PIK3R5: variants seen among roughly 807,000 people sequenced by gnomAD.
The protein encoded by PIK3R5 is phosphoinositide 3-kinase regulatory subunit 5.
A neutral mutation model predicts 94.9 loss-of-function variants in PIK3R5; 32 were observed. The ratio of observed to expected loss-of-function variants is 0.34; its 90% CI spans 0.25 to 0.45. The LOEUF is 0.45. Among genes scored for constraint, PIK3R5 ranks in the 20% least tolerant of loss-of-function variants. The probability of loss-of-function intolerance (pLI) is 1.00; values close to 1 mark genes in which losing one functional copy is unlikely to be tolerated. For synonymous variants in PIK3R5, 443 were observed against 479.4 expected, an observed-to-expected ratio of 0.92 and a Z score of 0.99; for missense variants, 853 against 1,144.6, an observed-to-expected ratio of 0.75 and a Z score of 3.68.
Position 8,892,867 on chromosome 17 carries a change from A to G in PIK3R5, c.482+719T>C, listed in dbSNP as rs1191901479. The stretch of plus-strand genomic sequence containing the variant: ...AACATGTCAAGGTGAGACAGCACCC[A>G]ACTCTTCAAGGCCTGCAGAGGGTCC... On this transcript the variant is annotated intron_variant, in intron 6 of 18. Transcript: ENST00000447110. The surrounding 1 kb of genome is among the most constrained non-coding windows in gnomAD (Gnocchi z 4.3). Among the ~76,000 whole-genome samples the G allele has an allele frequency of 6.6e-6, 1 of 152,168 alleles. No individual in the cohort carries two copies. Among genetic ancestry groups the G allele is most frequent in the Admixed American group, 6.5e-5 (1 of 15,284 alleles).
At chr17:8,961,156 C>T (rs1324952386) in intron 1 of PIK3R5, among the ~76,000 whole-genome samples, 3 of 152,158 alleles carry the variant, frequency 2.0e-5, no homozygotes, top group African/African-American at 7.2e-5. Context: ...CTAGGAGGAA[C>T]TGGCAGTTCA....
intron 2 of PIK3R5, among the ~76,000 whole-genome samples, chr17:8,910,195 T>C (rs2090493180): frequency 6.6e-6 from 1 of 152,172 alleles, no homozygotes; most frequent in Non-Finnish European, 1.5e-5. Context: ...TGGAAATGGA[T>C]TGAACTTGAA....
chr17:8,883,684 G>A (rs117980226), intron 15 of PIK3R5, among the ~76,000 whole-genome samples: 202 of 152,312 alleles, frequency 1.3e-3, no homozygotes, highest in Non-Finnish European at 2.2e-3. Flanking sequence ...GACTGGGTTC[G>A]GTTTGCCACT....
chr17:8,887,085 G>T lies in PIK3R5; in HGVS notation c.1905+11C>A. On this transcript the variant is annotated intron_variant, in intron 12 of 18. Coordinates refer to ENST00000447110, the MANE Select transcript of PIK3R5 (RefSeq NM_001142633.3). ...CAGTGGACCCTGTTCCGCAACCACGGGGCCACTTACCTGGCACAGGACTTC... is the reference window on the plus strand; with the variant it reads ...CAGTGGACCCTGTTCCGCAACCACGTGGCCACTTACCTGGCACAGGACTTC... The T allele has an allele frequency of 6.2e-7, 1 of 1,613,842 alleles. No homozygotes were observed. The highest frequency in any genetic ancestry group is 8.5e-7 in the Non-Finnish European group (1 of 1,179,928).
chr17:8,951,251 TTG>T (rs1195369893), intron 1 of PIK3R5, among the ~76,000 whole-genome samples: 6 of 152,208 alleles, frequency 3.9e-5, no homozygotes, highest in African/African-American at 1.4e-4. Context: ...ATTCTGTAGG[TTG>T]TGTGTGTACA....
At chr17:8,947,007 T>G (rs2091285049) in intron 1 of PIK3R5, among the ~76,000 whole-genome samples, 3 of 152,152 alleles carry the variant, frequency 2.0e-5, no homozygotes, top group African/African-American at 7.2e-5. Context: ...TCCATGAGGG[T>G]CCAGCTGAGT....
rs1347935986 is a variant in PIK3R5, at chr17:8,886,296, C to T, written c.2061G>A (p.Thr687=). 1.2e-6 allele frequency: 2 copies of T among 1,613,684 alleles called. No individual in the cohort carries two copies. Among genetic ancestry groups the T allele is most frequent in the Non-Finnish European group, 1.7e-6 (2 of 1,179,934 alleles). Residue 687 remains threonine, a synonymous_variant, in exon 14 of 19, where the codon ACG becomes ACA. Transcript: ENST00000447110. ...TELTFITGEK[T]TEIFIHSLEL... ...CCAAGGAGTGGATGAAGATCTCTGTCGTCTTCTCCCCAGTGATGAAGGTCA... is the reference window on the plus strand; with the variant it reads ...CCAAGGAGTGGATGAAGATCTCTGTTGTCTTCTCCCCAGTGATGAAGGTCA...
At chr17:8,948,344 T>C (rs2091316229) in intron 1 of PIK3R5, among the ~76,000 whole-genome samples, 2 of 152,062 alleles carry the variant, frequency 1.3e-5, no homozygotes, top group South Asian at 4.1e-4. Context: ...CAGCAGAAAA[T>C]ATGTATTGAG....
rs930995579 is a variant in PIK3R5 at position 8,907,303 on chromosome 17, T to C, written c.205-1566A>G. On this transcript the variant is annotated intron_variant, in intron 3 of 18. Coordinates refer to ENST00000447110, the MANE Select transcript of PIK3R5 (RefSeq NM_001142633.3). ...GCCTTGGCTTCCCAAAGTGCTGGGA[T>C]TACAGGCGTGAGCCACCATGCCTGG... 3.3e-5 allele frequency among the ~76,000 whole-genome samples: 5 copies of C among 152,184 alleles called. No individual in the cohort carries two copies. In the East Asian group the frequency reaches 9.6e-4, roughly 29 times the overall value.
At chr17:8,894,328 C>G (rs981531457) in intron 5 of PIK3R5, among the ~76,000 whole-genome samples, 1 of 152,208 alleles carries the variant, frequency 6.6e-6, no homozygotes, top group South Asian at 2.1e-4. Context: ...TCTCCCGGTC[C>G]GGGGTGCCTT....
In PIK3R5 at chr17:8,889,179, G is replaced by A. The variant is rs61759658; in HGVS notation, c.855C>T (p.Val285=). 3,144 of 1,614,048 alleles carry A rather than the reference G, an allele frequency of 1.9e-3. 38 individuals are homozygous for A. In the African/African-American group the frequency reaches 0.036, roughly 19 times the overall value. ...TCCAGCTGTAGGTGTAGCACCTGGC[G>A]ACAGGGATGGGGATGGTGTGGAGCT... The part of the protein sequence containing the change: ...PGKLHTIPIP[V]ARCYTYSWSQ... The change falls in exon 9 of 19, where the codon GTC becomes GTT. Residue 285 remains valine, a synonymous_variant. Coordinates refer to ENST00000447110, the MANE Select transcript of PIK3R5 (RefSeq NM_001142633.3). The surrounding 1 kb of genome is among the most constrained non-coding windows in gnomAD (Gnocchi z 4.1).
intron 1 of PIK3R5, among the ~76,000 whole-genome samples, chr17:8,913,637 G>A (rs996901136): frequency 3.9e-5 from 6 of 152,128 alleles, no homozygotes; most frequent in Non-Finnish European, 5.9e-5. Flanking sequence ...GCTTGAACCC[G>A]GGAGGCGGAG....
At chr17:8,886,011 A>C (rs1326715864) in intron 14 of PIK3R5, among the ~76,000 whole-genome samples, 20 of 83,234 alleles carry the variant, frequency 2.4e-4, no homozygotes, top group South Asian at 3.9e-4. Flanking sequence ...CCGTGGCCCC[A>C]CCTCCCGTAT....
At chr17:8,927,491 C>T (rs2090906545) in intron 1 of PIK3R5, among the ~76,000 whole-genome samples, 2 of 152,266 alleles carry the variant, frequency 1.3e-5, no homozygotes, top group South Asian at 4.1e-4. Context: ...CAGTGAGGAG[C>T]CTGGACTTCC....
rs142653364 is a variant in PIK3R5 at position 8,889,182 on chromosome 17, A to G, written c.852T>C (p.Pro284=). 6.8e-6 allele frequency: 11 copies of G among 1,613,938 alleles called. No individual in the cohort carries two copies. The African/African-American group carries it at 1.1e-4, about 16-fold the overall frequency. The change falls in exon 9 of 19, where the codon CCT becomes CCC. Residue 284 remains proline (P), a synonymous_variant. Transcript: ENST00000447110. This position sits in a 1 kb window ranked among gnomAD's most constrained non-coding sequence, Gnocchi z 4.1. ...KPGKLHTIPI[P]VARCYTYSWS... Reference sequence around the variant, plus strand: ...AGCTGTAGGTGTAGCACCTGGCGACAGGGATGGGGATGGTGTGGAGCTTCC... The same window carrying G: ...AGCTGTAGGTGTAGCACCTGGCGACGGGGATGGGGATGGTGTGGAGCTTCC...
intron 1 of PIK3R5, among the ~76,000 whole-genome samples, chr17:8,937,694 G>A (rs151075798): frequency 9.9e-4 from 151 of 152,196 alleles, no homozygotes; most frequent in Middle Eastern, 6.8e-3. Flanking sequence ...TGTAGTTTTC[G>A]TTTTTTGTAA....
chr17:8,947,027 A>G (rs1297858732), intron 1 of PIK3R5, among the ~76,000 whole-genome samples: 1 of 152,250 alleles, frequency 6.6e-6, no homozygotes, highest in Admixed American at 6.5e-5. Flanking sequence ...TGCCTGGCAC[A>G]TAATTTGCTG....
At chr17:8,919,860 CTTTCTTTCTCTTTT>C (rs1026065887) in intron 1 of PIK3R5, among the ~76,000 whole-genome samples, 1 of 145,180 alleles carries the variant, frequency 6.9e-6, no homozygotes, top group African/African-American at 2.6e-5. Context: ...CTCTCTCTTT[CTTTCTTTCTCTTTT>C]TTTCTTTTTC....
intron 5 of PIK3R5, among the ~76,000 whole-genome samples, chr17:8,899,463 C>T (rs775438626): frequency 1.8e-4 from 27 of 152,200 alleles, no homozygotes; most frequent in Non-Finnish European, 3.5e-4. Flanking sequence ...ATTAGGCCAA[C>T]ATTAATCCTC....
Sources: allele counts gnomAD v4.1 joint callset (sites outside exome capture counted in the v4.1 genomes callset), GRCh38; gene constraint gnomAD v4.1.1; non-coding constraint Gnocchi (gnomAD v3.1); transcripts MANE v1.5; gene names NCBI Gene and HGNC (gene_info 2026-07-23, HGNC 2026-07-21).